GPATCH1: variants seen among roughly 807,000 people sequenced by gnomAD.
GPATCH1 encodes the protein G-patch domain containing 1, also known as G patch domain-containing protein 1.
A neutral mutation model predicts 114.9 loss-of-function variants in GPATCH1; 73 were observed. The observed-to-expected ratio is 0.64, with a 90% CI of 0.53 to 0.77. The LOEUF (loss-of-function observed/expected upper bound fraction) is 0.77. Ranked by LOEUF, GPATCH1 falls within the 30% of genes least tolerant of loss-of-function variation. The probability of loss-of-function intolerance (pLI) is 0.00; values close to 1 mark genes in which losing one functional copy is unlikely to be tolerated. For missense variants in GPATCH1, 1,058 were observed against 1,144.3 expected, an observed-to-expected ratio of 0.92 and a Z score of 1.09; for synonymous variants, 391 against 428.4, an observed-to-expected ratio of 0.91 and a Z score of 1.08.
intron 9 of GPATCH1, among the ~76,000 whole-genome samples, chr19:33,102,798 T>G (rs1443175421): frequency 6.6e-6 from 1 of 152,068 alleles, no homozygotes; most frequent in African/African-American, 2.4e-5. Flanking sequence ...GAAATGTAGG[T>G]TAAGGAAAAG....
At chr19:33,113,509 G>A (rs1268362733) in intron 13 of GPATCH1, 4 of 386,178 alleles carry the variant, frequency 1.0e-5, no homozygotes, top group African/African-American at 8.4e-5. Context: ...GAAACTTTAG[G>A]TATATTTTTA....
At chr19:33,120,182 A>G (rs1489361718) in intron 17 of GPATCH1, among the ~76,000 whole-genome samples, 1 of 140,974 alleles carries the variant, frequency 7.1e-6, no homozygotes, top group African/African-American at 2.6e-5. Flanking sequence ...ATATTCATAT[A>G]TAAATACATA....
At chr19:33,088,383 C>A in intron 2 of GPATCH1, 115 bp downstream of exon 2, 1 of 781,948 alleles carries the variant, frequency 1.3e-6, no homozygotes, top group Non-Finnish European at 2.0e-6. Context: ...CTCGCTCTGT[C>A]GCCCAGGCTG....
chr19:33,088,016 A>G (rs1972551298), intron 1 of GPATCH1, 118 bp from the exon 2 acceptor site: 5 of 567,616 alleles, frequency 8.8e-6, no homozygotes, highest in Non-Finnish European at 1.5e-5. Flanking sequence ...AAATGATTAT[A>G]TTTGAATTAT....
chr19:33,083,403 T>G (rs955457515), intron 1 of GPATCH1, among the ~76,000 whole-genome samples: 3 of 150,390 alleles, frequency 2.0e-5, no homozygotes, highest in East Asian at 2.0e-4. Flanking sequence ...TTTGTTTTTT[T>G]TTTTTTTCTG....
intron 15 of GPATCH1, among the ~76,000 whole-genome samples, chr19:33,117,545 A>G (rs1972929410): frequency 6.6e-6 from 1 of 152,054 alleles, no homozygotes; most frequent in East Asian, 1.9e-4. Flanking sequence ...CCACCCGCCT[A>G]GGCCTCCCAA....
At chr19:33,087,560 G>A (rs1300054785) in intron 1 of GPATCH1, among the ~76,000 whole-genome samples, 1 of 152,132 alleles carries the variant, frequency 6.6e-6, no homozygotes, top group Non-Finnish European at 1.5e-5. Flanking sequence ...CAGGGATGGT[G>A]TGACGTTCTA....
chr19:33,123,073 AAAATAAATAAATAAAT>A (rs35241970), intron 17 of GPATCH1, among the ~76,000 whole-genome samples: 41 of 138,424 alleles, frequency 3.0e-4, no homozygotes, highest in South Asian at 1.7e-3. Flanking sequence ...TGCTGTCTCA[AAAATAAATAAATAAAT>A]AAATAAATAA....
rs200972181 is a variant in GPATCH1 at position 33,119,097 on chromosome 19, T to A, written c.2501T>A (p.Leu834Gln). 9.1e-5 allele frequency: 146 copies of A among 1,609,894 alleles called. No individual in the cohort carries two copies. Among genetic ancestry groups the A allele is most frequent in the African/African-American group, 2.7e-5 (2 of 74,830 alleles). Residue 834 changes from leucine to glutamine, a missense_variant, in exon 17 of 20, where the codon CTG (leucine) becomes CAG (glutamine). Coordinates refer to ENST00000170564, the MANE Select transcript of GPATCH1 (RefSeq NM_018025.3). ...GAAAGAGAAGAGTTCGGCCCGCGGCTGCCTCCCGTCTTCTGCCCCAGTGAG... is the reference window on the plus strand; with the variant it reads ...GAAAGAGAAGAGTTCGGCCCGCGGCAGCCTCCCGTCTTCTGCCCCAGTGAG... ...IDEREEFGPR[L>Q]PPVFCPNARQ...
Position 33,097,842 on chromosome 19 carries a change from G to C in GPATCH1, c.940G>C (p.Glu314Gln), listed in dbSNP as rs199987309. 21 of 1,613,914 alleles carry C rather than the reference G, an allele frequency of 1.3e-5. No homozygotes were observed. The highest frequency in any genetic ancestry group is 1.8e-5 in the Non-Finnish European group (21 of 1,179,928). ...CAAGTATGACACTGTTCTGAAGGACGAGGAGCCTGGAGACGGACTCTATGG... is the reference window on the plus strand; with the variant it reads ...CAAGTATGACACTGTTCTGAAGGACCAGGAGCCTGGAGACGGACTCTATGG... ...LSKYDTVLKD[E>Q]EPGDGLYGWT... is the part of the protein sequence containing the mutation. The change falls in exon 8 of 20, where the codon GAG becomes CAG. Residue 314 changes from glutamate to glutamine, a missense_variant. This residue lies in a region of GPATCH1 where 893 missense variants were observed against 977.4 expected (regional missense o/e 0.91). Coordinates refer to ENST00000170564, the MANE Select transcript of GPATCH1 (RefSeq NM_018025.3).
At chr19:33,105,712 C>CG (rs1335343498) in intron 9 of GPATCH1, among the ~76,000 whole-genome samples, 1 of 151,492 alleles carries the variant, frequency 6.6e-6, no homozygotes, top group Non-Finnish European at 1.5e-5. Flanking sequence ...TTAGTAGAGA[C>CG]GGGGTTTCAC....
intron 9 of GPATCH1, among the ~76,000 whole-genome samples, chr19:33,106,161 T>TA (rs201760910): frequency 1.3e-5 from 2 of 151,980 alleles, no homozygotes; most frequent in South Asian, 4.2e-4. Flanking sequence ...AACTATTATT[T>TA]AAAAAAATTT....
At chr19:33,086,265 T>C (rs372959263) in intron 1 of GPATCH1, among the ~76,000 whole-genome samples, 2 of 152,264 alleles carry the variant, frequency 1.3e-5, no homozygotes, top group African/African-American at 4.8e-5. Context: ...GGACCCAAGT[T>C]GTAATTTAGT....
Position 33,101,568 on chromosome 19 carries a change from TA to T in GPATCH1, c.1076del (p.Lys359ArgfsTer55). The stretch of plus-strand genomic sequence containing the variant: ...CCTTGGCTTCTAAACCTTTATCTTC[TA>T]AGAAAGTAAGAAAAACTTTTTTTCT... ...FSLASKPLSS[K>X]KIYPPPELPR... On this transcript the variant is annotated frameshift_variant, in exon 9 of 20. Transcript: ENST00000170564. LOFTEE classifies it high-confidence loss of function. 1 of 1,543,220 alleles carries T rather than the reference TA, an allele frequency of 6.5e-7. No individual in the cohort carries two copies. The highest frequency in any genetic ancestry group is 8.9e-7 in the Non-Finnish European group (1 of 1,121,522).
rs548963026 is a variant in GPATCH1 at position 33,116,686 on chromosome 19, C to T, written c.2197-1139C>T. On this transcript the variant is annotated intron_variant, in intron 15 of 19. Coordinates refer to ENST00000170564, the MANE Select transcript of GPATCH1 (RefSeq NM_018025.3). ...CTGGGACTACAGGCGCCCGCCACCA[C>T]GCCTGGCTAATTTTTTGTATTTTTA... Among the ~76,000 whole-genome samples, 618 of 152,246 alleles carry T rather than the reference C, an allele frequency of 4.1e-3. 5 individuals are homozygous for T. Among genetic ancestry groups the T allele is most frequent in the African/African-American group, 0.014 (595 of 41,552 alleles).
At chr19:33,103,960 A>C (rs1014049160) in intron 9 of GPATCH1, among the ~76,000 whole-genome samples, 21 of 152,102 alleles carry the variant, frequency 1.4e-4, no homozygotes, top group Admixed American at 3.3e-4. Context: ...TTTCACACAC[A>C]GATTTAGATG....
In GPATCH1 at chr19:33,090,793, T is replaced by C; in HGVS notation, c.222T>C (p.Ser74=). The C allele has an allele frequency of 6.2e-7, 1 of 1,610,326 alleles. No homozygotes were observed. Among genetic ancestry groups the C allele is most frequent in the East Asian group, 2.2e-5 (1 of 44,852 alleles). Residue 74 remains serine, a synonymous_variant, in exon 3 of 20, where the codon TCT becomes TCC. Transcript: ENST00000170564. ...TTTTTTTTTCAGGATGGACACCCTC[T>C]ACCTTTGTGTCTTCACGACAGAACA... The part of the protein sequence containing the change: ...TVGSKEGWTP[S]TFVSSRQNRA...
chr19:33,122,088 G>C (rs779880248), intron 17 of GPATCH1, among the ~76,000 whole-genome samples: 1 of 151,926 alleles, frequency 6.6e-6, no homozygotes, highest in Non-Finnish European at 1.5e-5. Context: ...GCGCGATCTC[G>C]GCTCACTGCA....
At chr19:33,094,007 C>T (rs1033198130) in intron 4 of GPATCH1, among the ~76,000 whole-genome samples, 165 bp from the exon 5 acceptor site, 1 of 152,210 alleles carries the variant, frequency 6.6e-6, no homozygotes, top group Non-Finnish European at 1.5e-5. Context: ...CCAGTGCAGC[C>T]TGCTGTGGCT....
Sources: gnomAD v4.1 joint callset for allele counts (sites outside exome capture counted in the v4.1 genomes callset) on GRCh38, gnomAD v4.1.1 for gene constraint, gnomAD v4.1.1 regional missense constraint, MANE v1.5 for transcripts, NCBI Gene and HGNC (gene_info 2026-07-23, HGNC 2026-07-21) for gene names.